RSPH1: variants seen among roughly 807,000 people sequenced by gnomAD.
The protein encoded by RSPH1 is radial spoke head component 1.
Under a neutral mutation model 44.2 loss-of-function variants are expected in RSPH1, and 32 were observed. The observed-to-expected ratio is 0.72, with a 90% CI of 0.55 to 0.97. RSPH1 has a LOEUF of 0.97. Among genes scored for constraint, RSPH1 ranks in the 50% least tolerant of loss-of-function variants. The pLI is 0.00. For synonymous variants in RSPH1, 134 were observed against 147.3 expected (o/e 0.91, Z 0.65); for missense variants, 391 against 398.7 (o/e 0.98, Z 0.16).
In RSPH1 at chr21:42,475,971, A is replaced by C. The variant is rs776862487; in HGVS notation, c.804T>G (p.Asp268Glu). 3 of 1,612,184 alleles carry C rather than the reference A, an allele frequency of 1.9e-6. No individual in the cohort carries two copies. Among genetic ancestry groups the C allele is most frequent in the African/African-American group, 2.7e-5 (2 of 74,298 alleles). Residue 268 changes from aspartate to glutamate, a missense_variant, in exon 8 of 9, where the codon GAT becomes GAG. Physicochemically the swap from Asp to Glu is conservative, Grantham distance 45 (BLOSUM62 2). Transcript: ENST00000291536. ...CTTCCCGGAGGACGTCTGCATCTTC[A>C]TCTCCAGGCCTCATGTCCATCTCAC... ...FEGEMDMRPG[D>E]EDADVLREES...
intron 7 of RSPH1, among the ~76,000 whole-genome samples, chr21:42,476,917 C>T (rs1040849483): frequency 1.3e-5 from 2 of 152,178 alleles, no homozygotes; most frequent in African/African-American, 4.8e-5. Context: ...GGCCTGAAAA[C>T]AGGATGTCCA....
chr21:42,479,810 G>A (rs1183475812), intron 6 of RSPH1, among the ~76,000 whole-genome samples: 4 of 151,794 alleles, frequency 2.6e-5, no homozygotes, highest in Non-Finnish European at 4.4e-5. Context: ...ATTCCTCTAC[G>A]TTTTGTTAGA....
At chr21:42,482,569 AG>A in intron 6 of RSPH1, 67 bp downstream of exon 6, 1 of 1,157,872 alleles carries the variant, frequency 8.6e-7, no homozygotes, top group Non-Finnish European at 1.3e-6. Flanking sequence ...CCAACCTTGC[AG>A]GATCAATATT....
At chr21:42,483,154 A>G (rs2054146365) in intron 5 of RSPH1, among the ~76,000 whole-genome samples, 1 of 152,162 alleles carries the variant, frequency 6.6e-6, no homozygotes. Context: ...CTTTCCTAAT[A>G]ACAGTTGCCA....
At chr21:42,490,405 A>C in intron 3 of RSPH1, among the ~76,000 whole-genome samples, 1 of 152,210 alleles carries the variant, frequency 6.6e-6, no homozygotes, top group East Asian at 1.9e-4. Flanking sequence ...ACTCAGCCAT[A>C]CATTAACTGA....
chr21:42,493,070 C>A lies in RSPH1; in HGVS notation c.64G>T (p.Gly22Trp). 1 of 1,613,768 alleles carries A rather than the reference C, an allele frequency of 6.2e-7. No homozygotes were observed. Among genetic ancestry groups the A allele is most frequent in the Non-Finnish European group, 8.5e-7 (1 of 1,179,750 alleles). Residue 22 changes from glycine (G) to tryptophan (W), a missense_variant, in exon 2 of 9, where the codon GGG becomes TGG. Coordinates refer to ENST00000291536, the MANE Select transcript of RSPH1 (RefSeq NM_080860.4). ...CTTTCGCCTGCCTCATTCCGACCCC[C>A]CTCATATTCCTGGGTAATGAAAATT... is the stretch of plus-strand genomic sequence containing the variant. ...EGENDIGEYE[G>W]GRNEAGERHG...
intron 1 of RSPH1, among the ~76,000 whole-genome samples, chr21:42,494,914 G>A (rs1010292058): frequency 2.6e-5 from 4 of 152,084 alleles, no homozygotes; most frequent in African/African-American, 9.7e-5. Context: ...TGCCCAGGCT[G>A]GTCTCAAACT....
At chr21:42,487,482 G>T (rs1248293449) in intron 3 of RSPH1, among the ~76,000 whole-genome samples, 3 of 152,186 alleles carry the variant, frequency 2.0e-5, no homozygotes, top group Non-Finnish European at 4.4e-5. Flanking sequence ...ATTACAAAAT[G>T]GTTGCCATAT....
At chr21:42,477,738 G>A (rs951959363) in intron 6 of RSPH1, among the ~76,000 whole-genome samples, 10 of 152,202 alleles carry the variant, frequency 6.6e-5, no homozygotes, top group Non-Finnish European at 1.2e-4. Context: ...TGTCGCAGTC[G>A]CCTGCAATAG....
At chr21:42,495,283 G>C (rs992732329) in intron 1 of RSPH1, among the ~76,000 whole-genome samples, 1 of 152,244 alleles carries the variant, frequency 6.6e-6, no homozygotes, top group African/African-American at 2.4e-5. Flanking sequence ...AAATCAGGCG[G>C]AAGCTGGGAG....
chr21:42,492,462 C>T (rs571761711), intron 3 of RSPH1, among the ~76,000 whole-genome samples: 49 of 152,356 alleles, frequency 3.2e-4, no homozygotes, highest in African/African-American at 1.0e-3. Flanking sequence ...CGTGGGTCCA[C>T]CAGCTGCGAG....
intron 6 of RSPH1, among the ~76,000 whole-genome samples, chr21:42,482,187 G>T (rs886729301): frequency 1.3e-5 from 2 of 152,212 alleles, no homozygotes; most frequent in African/African-American, 4.8e-5. Context: ...AGGTTTAAGC[G>T]ATTCTCCTGC....
At chr21:42,481,465 G>A (rs138959950) in intron 6 of RSPH1, among the ~76,000 whole-genome samples, 1 of 152,328 alleles carries the variant, frequency 6.6e-6, no homozygotes, top group Non-Finnish European at 1.5e-5. Flanking sequence ...GGGCATTGAT[G>A]TGATGGTAGA....
At position 42,492,763 on chromosome 21, in the gene RSPH1, T is replaced by C; in HGVS notation, c.269A>G (p.Tyr90Cys). The C allele has an allele frequency of 6.3e-7, 1 of 1,583,270 alleles. No individual in the cohort carries two copies. The highest frequency in any genetic ancestry group is 8.7e-7 in the Non-Finnish European group (1 of 1,152,810). The change falls in exon 3 of 9, where the codon TAT becomes TGT. Residue 90 changes from tyrosine (Y) to cysteine (C), a missense_variant. By Grantham distance (194) the Tyr-to-Cys change is radical. Coordinates refer to ENST00000291536, the MANE Select transcript of RSPH1 (RefSeq NM_080860.4). ...GTFIYPDGSR[Y>C]EGEWANDLRH... ...GCTTAGTGATAACATTTTACCTTCA[T>C]ATCTGGATCCATCTGGATATATAAA...
At chr21:42,493,445 T>G (rs551138880) in intron 1 of RSPH1, among the ~76,000 whole-genome samples, 3 of 152,350 alleles carry the variant, frequency 2.0e-5, no homozygotes, top group Non-Finnish European at 2.9e-5. Context: ...AAATAGTACA[T>G]GCGGGTAGAA....
chr21:42,473,902 T>C (rs1014759564), intron 8 of RSPH1, among the ~76,000 whole-genome samples: 6 of 152,100 alleles, frequency 3.9e-5, no homozygotes, highest in Non-Finnish European at 7.4e-5. Flanking sequence ...AAATGTCCCC[T>C]GGAGCCCCAA....
At chr21:42,479,983 G>T (rs1401255549) in intron 6 of RSPH1, among the ~76,000 whole-genome samples, 1 of 152,156 alleles carries the variant, frequency 6.6e-6, no homozygotes, top group Non-Finnish European at 1.5e-5. Flanking sequence ...CTAGCCAGTG[G>T]TTCCTTTTAG....
rs1438600434 is a variant in RSPH1 at position 42,476,053 on chromosome 21, A to G, written c.728-6T>C. The G allele has an allele frequency of 6.2e-7, 1 of 1,613,536 alleles. No individual in the cohort carries two copies. Reference sequence around the variant, plus strand: ...CTCCCCGGGTTCTCCTGCACCTGAGATAAAACACAAGTCAGAAGCCTGAGT... The same window carrying G: ...CTCCCCGGGTTCTCCTGCACCTGAGGTAAAACACAAGTCAGAAGCCTGAGT... On this transcript the variant is annotated splice_polypyrimidine_tract_variant and splice_region_variant and intron_variant, in intron 7 of 8. Coordinates refer to ENST00000291536, the MANE Select transcript of RSPH1 (RefSeq NM_080860.4).
chr21:42,493,584 C>G (rs1219859330), intron 1 of RSPH1, among the ~76,000 whole-genome samples: 2 of 152,150 alleles, frequency 1.3e-5, no homozygotes, highest in African/African-American at 4.8e-5. Flanking sequence ...CCTGAAGAGA[C>G]CTTTGCCCTG....
Sources: allele counts gnomAD v4.1 joint callset (sites outside exome capture counted in the v4.1 genomes callset), GRCh38; gene constraint gnomAD v4.1.1; transcripts MANE v1.5; gene names NCBI Gene and HGNC (gene_info 2026-07-23, HGNC 2026-07-21).